CLSPN: variants seen among roughly 807,000 people sequenced by gnomAD.
CLSPN encodes claspin.
CLSPN carries 85 observed loss-of-function variants against 156.3 expected under a neutral mutation model. The ratio of observed to expected loss-of-function variants is 0.54; its 90% CI spans 0.46 to 0.65. CLSPN has a LOEUF of 0.65. Among genes scored for constraint, CLSPN ranks in the 30% least tolerant of loss-of-function variants. CLSPN has a pLI of 0.00. For synonymous variants in CLSPN, 534 were observed against 542.4 expected (o/e 0.98, Z 0.22); for missense variants, 1,407 against 1,554.9 (o/e 0.90, Z 1.60).
chr1:35,732,587 C>G lies in CLSPN; in HGVS notation c.*3909G>C. On this transcript the variant is annotated 3_prime_UTR_variant, in exon 25 of 25. Transcript: ENST00000318121. ...TTAAAGAGGTTAATACCATGTATCC[C>G]TACTCAAGTGTATGGAACAAGGAAG... 2.0e-6 allele frequency: 2 copies of G among 985,382 alleles called. No individual in the cohort carries two copies. The highest frequency in any genetic ancestry group is 5.2e-4 in the Middle Eastern group (1 of 1,914). 61.0% of individuals were successfully genotyped at this position (985,382 alleles called of 1,614,324 possible).
At chr1:35,731,583 T>TG (rs900205788), downstream of CLSPN, among the ~76,000 whole-genome samples, 14 of 151,746 alleles carry the variant, frequency 9.2e-5, no homozygotes, top group African/African-American at 3.1e-4. Flanking sequence ...AAAACAGAAG[T>TG]GGGGGGGTCA....
chr1:35,747,536 C>T (rs1165437139), intron 14 of CLSPN, among the ~76,000 whole-genome samples: 2 of 152,126 alleles, frequency 1.3e-5, no homozygotes, highest in Non-Finnish European at 2.9e-5. Context: ...TAACTTTTAG[C>T]TTCAGATGAT....
At chr1:35,737,738 G>T in intron 22 of CLSPN, 1 of 449,350 alleles carries the variant, frequency 2.2e-6, no homozygotes. Context: ...ACTAGAGAAA[G>T]CCAGAATTAA....
chr1:35,765,610 CAAT>C (rs1359716969), intron 1 of CLSPN, among the ~76,000 whole-genome samples: 4 of 151,942 alleles, frequency 2.6e-5, no homozygotes, highest in African/African-American at 7.2e-5. Flanking sequence ...AACTGTTCCC[CAAT>C]ATATCCATAC....
intron 7 of CLSPN, 29 bp from the exon 8 acceptor site, chr1:35,760,945 A>C: frequency 6.5e-7 from 1 of 1,539,518 alleles, no homozygotes; most frequent in Non-Finnish European, 8.9e-7. Context: ...GCTGGAGTTG[A>C]AAATTATCCT....
At chr1:35,753,965 G>C in intron 8 of CLSPN, 29 bp from the exon 9 acceptor site, 2 of 1,606,384 alleles carry the variant, frequency 1.2e-6, no homozygotes, top group East Asian at 2.2e-5. Context: ...CAGTGTGTCA[G>C]TTTGCCATGC....
chr1:35,726,493 G>A (rs1003190299), intron 24 of CLSPN, among the ~76,000 whole-genome samples: 5 of 152,130 alleles, frequency 3.3e-5, no homozygotes, highest in Non-Finnish European at 5.9e-5. Flanking sequence ...GTGGGGGTGC[G>A]GTTTCAAGAA....
Position 35,746,823 on chromosome 1 carries a change from T to G in CLSPN, c.2797A>C (p.Lys933Gln). 3 of 1,614,122 alleles carry G rather than the reference T, an allele frequency of 1.9e-6. No individual in the cohort carries two copies. Among genetic ancestry groups the G allele is most frequent in the Non-Finnish European group, 2.5e-6 (3 of 1,179,996 alleles). ...AEKHLPRKSD[K>Q]KENMEELLNL... ...AGAAGTTCCTCCATGTTCTCTTTCT[T>G]GTCACTCTTCCTGGGTAGATGTTTT... Residue 933 changes from lysine (K) to glutamine (Q), a missense_variant, in exon 15 of 25, where the codon AAG (lysine) becomes CAG (glutamine). Transcript: ENST00000318121. This position sits in a 1 kb window ranked among gnomAD's most constrained non-coding sequence, Gnocchi z 4.2.
intron 16 of CLSPN, 33 bp from the exon 17 acceptor site, chr1:35,743,563 T>C: frequency 1.3e-6 from 2 of 1,562,352 alleles, no homozygotes; most frequent in Non-Finnish European, 1.8e-6. Flanking sequence ...AATAAATAAG[T>C]TGTTGAAAGC....
rs1478634611 is a variant in CLSPN at position 35,736,929 on chromosome 1, T to C, written c.3894A>G (p.Glu1298=). 2 of 1,614,156 alleles carry C rather than the reference T, an allele frequency of 1.2e-6. No individual in the cohort carries two copies. The part of the protein sequence containing the change: ...LSPVKAEAAK[E]SSKSQVKKRG... Reference sequence around the variant, plus strand: ...AATTCCATACCTGAGACTTAGACGATTCCTTTGCCGCCTCAGCCTTGACAG... The same window carrying C: ...AATTCCATACCTGAGACTTAGACGACTCCTTTGCCGCCTCAGCCTTGACAG... The change falls in exon 24 of 25, where the codon GAA becomes GAG. Residue 1298 remains glutamate, a synonymous_variant. Coordinates refer to ENST00000318121, the MANE Select transcript of CLSPN (RefSeq NM_022111.4).
At chr1:35,764,129 A>T in intron 3 of CLSPN, 137 bp downstream of exon 3, 1 of 631,536 alleles carries the variant, frequency 1.6e-6, no homozygotes, top group Non-Finnish European at 2.7e-6. Context: ...TCACATACCT[A>T]TTGAGAATAA....
intron 4 of CLSPN, among the ~76,000 whole-genome samples, chr1:35,762,956 A>G (rs1642535633): frequency 6.6e-6 from 1 of 152,100 alleles, no homozygotes; most frequent in African/African-American, 2.4e-5. Flanking sequence ...TAAAAGGGTA[A>G]TAACAAAACA....
Position 35,753,849 on chromosome 1 carries a change from A to G in CLSPN, c.1667T>C (p.Ile556Thr). ...TCCATCAGTGCCCATGTCTTTCACT[A>G]TGACGTTCACATTCACTGTCTGACC... ...RAGQTVNVNV[I>T]VKDMGTDGKE... Residue 556 changes from isoleucine (I) to threonine (T), a missense_variant, in exon 9 of 25, where the codon ATA becomes ACA. Transcript: ENST00000318121. 2 of 1,614,142 alleles carry G rather than the reference A, an allele frequency of 1.2e-6. No homozygotes were observed. Among genetic ancestry groups the G allele is most frequent in the Non-Finnish European group, 8.5e-7 (1 of 1,180,008 alleles).
At chr1:35,756,607 A>T (rs1642277730) in intron 8 of CLSPN, among the ~76,000 whole-genome samples, 1 of 152,166 alleles carries the variant, frequency 6.6e-6, no homozygotes, top group Admixed American at 6.6e-5. Flanking sequence ...GCTTATCTCT[A>T]TCAGCAGCAT....
intron 9 of CLSPN, among the ~76,000 whole-genome samples, chr1:35,753,348 T>A (rs1642156992): frequency 6.6e-6 from 1 of 151,982 alleles, no homozygotes; most frequent in Non-Finnish European, 1.5e-5. Context: ...GCCTTGTCCT[T>A]CCAAAGTGCT....
chr1:35,739,178 C>A lies in CLSPN; in HGVS notation c.3388G>T (p.Asp1130Tyr), dbSNP rs747263276. The change falls in exon 20 of 25, where the codon GAT becomes TAT. Residue 1130 changes from aspartate to tyrosine, a missense_variant. Physicochemically the swap from Asp to Tyr is radical, Grantham distance 160. Coordinates refer to ENST00000318121, the MANE Select transcript of CLSPN (RefSeq NM_022111.4). ...RYLADGDLHSDGPGRMRKFRW... is the reference protein window; with the variant it reads ...RYLADGDLHSYGPGRMRKFRW... Reference sequence around the variant, plus strand: ...AACTTCCTCATTCGCCCAGGACCATCGCTGTGCAGATCCCCATCAGCAAGG... The same window carrying A: ...AACTTCCTCATTCGCCCAGGACCATAGCTGTGCAGATCCCCATCAGCAAGG... The A allele has an allele frequency of 1.2e-6, 2 of 1,614,036 alleles. No individual in the cohort carries two copies. The highest frequency in any genetic ancestry group is 1.7e-6 in the Non-Finnish European group (2 of 1,180,038).
chr1:35,740,537 A>G (rs1455460181), intron 18 of CLSPN, among the ~76,000 whole-genome samples: 1 of 149,860 alleles, frequency 6.7e-6, no homozygotes, highest in Non-Finnish European at 1.5e-5. Flanking sequence ...TCATGCCTCA[A>G]CCTCCCGAGT....
chr1:35,729,675 T>G (rs905398990), downstream of CLSPN, among the ~76,000 whole-genome samples: 2 of 152,142 alleles, frequency 1.3e-5, no homozygotes, highest in African/African-American at 4.8e-5. Flanking sequence ...GGCCTCCATT[T>G]CTACTGCTAT....
chr1:35,769,293 G>C (rs1462125226), intron 1 of CLSPN, among the ~76,000 whole-genome samples: 1 of 152,200 alleles, frequency 6.6e-6, no homozygotes. Context: ...ATTTCGCCAG[G>C]GAGCTGCCAG....
Sources: allele counts gnomAD v4.1 joint callset (sites outside exome capture counted in the v4.1 genomes callset), GRCh38; gene constraint gnomAD v4.1.1; non-coding constraint Gnocchi (gnomAD v3.1); transcripts MANE v1.5; gene names NCBI Gene and HGNC (gene_info 2026-07-23, HGNC 2026-07-21).